Variants in USP24 observed in about 807,000 individuals in gnomAD.
USP24 encodes the protein ubiquitin specific peptidase 24, also known as ubiquitin carboxyl-terminal hydrolase 24.
In USP24, 97 loss-of-function variants were observed where a neutral mutation model predicts 361.6. That is an observed-to-expected ratio of 0.27 (90% CI 0.23 to 0.32). The LOEUF (loss-of-function observed/expected upper bound fraction) is 0.32, where lower values mean the gene tolerates loss of function less well. Ranked by LOEUF, USP24 falls within the 10% of genes least tolerant of loss-of-function variation. The probability of loss-of-function intolerance (pLI) is 1.00; values close to 1 mark genes in which losing one functional copy is unlikely to be tolerated. For synonymous variants in USP24, 1,098 were observed against 1,124.6 expected (o/e 0.98, Z 0.47); for missense variants, 2,353 against 3,165.6 (o/e 0.74, Z 6.16).
At position 55,138,620 on chromosome 1, in the gene USP24, G is replaced by A. The variant is rs1211547771; in HGVS notation, c.2916C>T (p.Thr972=). 1.9e-6 allele frequency: 3 copies of A among 1,609,140 alleles called. No individual in the cohort carries two copies. The highest frequency in any genetic ancestry group is 1.7e-6 in the Non-Finnish European group (2 of 1,176,630). The stretch of plus-strand genomic sequence containing the variant: ...AATGTAAACCTACCTCGACAGTGAA[G>A]GTATCTTTGGTAGACTCATAGGTAA... ...LNVTYESTKD[T]FTVEAHSNET... The change falls in exon 26 of 68, where the codon ACC becomes ACT. Residue 972 remains threonine (T), a synonymous_variant. Transcript: ENST00000294383.
At chr1:55,146,727 A>G (rs1467503216) in intron 19 of USP24, among the ~76,000 whole-genome samples, 2 of 152,184 alleles carry the variant, frequency 1.3e-5, no homozygotes, top group Non-Finnish European at 2.9e-5. Flanking sequence ...CCAGAATGGT[A>G]TCAAAATTAC....
chr1:55,178,059 C>T lies in USP24; in HGVS notation c.398G>A (p.Ser133Asn). Residue 133 changes from serine (S) to asparagine (N), a missense_variant, in exon 2 of 68, where the codon AGC becomes AAC. Transcript: ENST00000294383. ...FPTTNLYELE[S>N]RVLTDHWSIP... is the part of the protein sequence containing the mutation. ...GGACCAATGATCAGTCAAAACACGG[C>T]TTTCCAGTTCATATAAATTTGTTGT... 6.4e-7 allele frequency: 1 copy of T among 1,551,582 alleles called. No individual in the cohort carries two copies. Among genetic ancestry groups the T allele is most frequent in the Non-Finnish European group, 8.7e-7 (1 of 1,146,898 alleles).
At chr1:55,129,448 C>T (rs1646529502) in intron 32 of USP24, 29 bp downstream of exon 32, 1 of 1,594,938 alleles carries the variant, frequency 6.3e-7, no homozygotes, top group African/African-American at 1.3e-5. Flanking sequence ...TTTTCGGCAA[C>T]TCATGTAACA....
chr1:55,096,437 A>G, intron 50 of USP24, 61 bp downstream of exon 50: 1 of 1,316,058 alleles, frequency 7.6e-7, no homozygotes, highest in Non-Finnish European at 1.0e-6. Context: ...AATACTATTA[A>G]TTTTTATAGA....
intron 7 of USP24, 22 bp downstream of exon 7, chr1:55,165,863 C>A (rs1272485046): frequency 1.9e-6 from 3 of 1,573,010 alleles, no homozygotes; most frequent in Admixed American, 3.5e-5. Context: ...CCACAGTGAG[C>A]ATATACAGTA....
At chr1:55,178,802 G>T (rs1650276293) in intron 1 of USP24, among the ~76,000 whole-genome samples, 1 of 152,064 alleles carries the variant, frequency 6.6e-6, no homozygotes, top group Admixed American at 6.6e-5. Flanking sequence ...GAGGTGGGAG[G>T]ATCACTTGAG....
chr1:55,094,186 T>G (rs1038221599), intron 51 of USP24, 99 bp from the exon 52 acceptor site: 13 of 1,218,930 alleles, frequency 1.1e-5, no homozygotes, highest in African/African-American at 9.2e-5. Context: ...TATTAGACTA[T>G]TTGATTATTA....
At chr1:55,186,119 G>A (rs939333051) in intron 1 of USP24, among the ~76,000 whole-genome samples, 9 of 152,088 alleles carry the variant, frequency 5.9e-5, no homozygotes, top group African/African-American at 1.9e-4. Context: ...TATACAAAAC[G>A]TTTAAAGAAC....
At chr1:55,172,063 A>G (rs1269404919) in intron 4 of USP24, among the ~76,000 whole-genome samples, 1 of 152,144 alleles carries the variant, frequency 6.6e-6, no homozygotes, top group Non-Finnish European at 1.5e-5. Context: ...TTGGGGGAAA[A>G]GGCCAGAAAC....
chr1:55,071,679 G>C (rs529863080), intron 67 of USP24, 135 bp downstream of exon 67: 38 of 1,068,480 alleles, frequency 3.6e-5, no homozygotes, highest in Middle Eastern at 2.9e-4. Flanking sequence ...GAGATCACTA[G>C]AGGGCAGCGC....
At chr1:55,118,243 A>T (rs1235309959) in intron 38 of USP24, among the ~76,000 whole-genome samples, 2 of 152,194 alleles carry the variant, frequency 1.3e-5, no homozygotes, top group African/African-American at 4.8e-5. Context: ...CAGTAATCAA[A>T]ACAGTCTTAT....
intron 16 of USP24, among the ~76,000 whole-genome samples, chr1:55,150,213 G>A (rs1570549417): frequency 6.6e-6 from 1 of 152,148 alleles, no homozygotes; most frequent in East Asian, 1.9e-4. Flanking sequence ...GAGGTCCAAA[G>A]CATTACTATA....
At chr1:55,076,035 A>G (rs182379925) in intron 62 of USP24, among the ~76,000 whole-genome samples, 91 of 152,338 alleles carry the variant, frequency 6.0e-4, no homozygotes, top group Admixed American at 4.2e-3. Flanking sequence ...TATCTCAAAT[A>G]TATCTTAAAA....
intron 1 of USP24, among the ~76,000 whole-genome samples, chr1:55,190,866 A>T (rs1331481800): frequency 6.6e-6 from 1 of 152,220 alleles, no homozygotes; most frequent in South Asian, 2.1e-4. Flanking sequence ...TCCAGAGAGA[A>T]GATTACAGAT....
intron 28 of USP24, among the ~76,000 whole-genome samples, 162 bp downstream of exon 28, chr1:55,137,353 G>C (rs950800876): frequency 6.6e-6 from 1 of 152,194 alleles, no homozygotes. Context: ...AGTAACTGAA[G>C]GTGTAAGTGG....
intron 1 of USP24, among the ~76,000 whole-genome samples, chr1:55,188,473 A>G (rs578016802): frequency 6.6e-6 from 1 of 152,194 alleles, no homozygotes; most frequent in East Asian, 1.9e-4. Flanking sequence ...TGCATATAGA[A>G]TACAAAAAAA....
In USP24 at chr1:55,129,616, A is replaced by G. The variant is rs755273273; in HGVS notation, c.3538-42T>C. On this transcript the variant is annotated intron_variant, in intron 31 of 67. Coordinates refer to ENST00000294383, the MANE Select transcript of USP24 (RefSeq NM_015306.3). Reference sequence around the variant, plus strand: ...CACAATTATTCATCCACACATTTTCAGCAGAAATTACTCCTTTACTAAATA... The same window carrying G: ...CACAATTATTCATCCACACATTTTCGGCAGAAATTACTCCTTTACTAAATA... 9 of 1,522,450 alleles carry G rather than the reference A, an allele frequency of 5.9e-6. No individual in the cohort carries two copies. The East Asian group carries it at 2.0e-4, about 34-fold the overall frequency. The allele number at this position is 1,522,450 out of a possible 1,614,324, so 94.3% of individuals were successfully genotyped here.
rs145274053 is a variant in USP24, at chr1:55,161,908, T to A, written c.993+291A>T. ...TCCTTAAATAATCCTGTGAAGCAAA[T>A]AAGGATATGCTGCCTACTTTATAGA... On this transcript the variant is annotated intron_variant, in intron 8 of 67. Transcript: ENST00000294383. Among the ~76,000 whole-genome samples the A allele has an allele frequency of 3.1e-3, 474 of 152,204 alleles. 1 individual carries two copies. The highest frequency in any genetic ancestry group is 0.011 in the African/African-American group (439 of 41,534).
chr1:55,214,386 C>T (rs1462773998), intron 1 of USP24, among the ~76,000 whole-genome samples: 1 of 151,976 alleles, frequency 6.6e-6, no homozygotes, highest in Non-Finnish European at 1.5e-5. Context: ...GCCTAGTGCA[C>T]TAGTACCCCA....
Sources: gnomAD v4.1 joint callset for allele counts (sites outside exome capture counted in the v4.1 genomes callset) on GRCh38, gnomAD v4.1.1 for gene constraint, MANE v1.5 for transcripts, NCBI Gene and HGNC (gene_info 2026-07-23, HGNC 2026-07-21) for gene names.